Variants in ARLN observed in about 807,000 individuals in gnomAD.
The protein encoded by ARLN is sarcoplasmic/endoplasmic reticulum calcium ATPase regulator ARLN.
At chr4:119,301,827 A>G in the ARLN span, among the ~76,000 whole-genome samples, 1 of 152,232 alleles carries the variant, frequency 6.6e-6, no homozygotes, top group Admixed American at 6.5e-5. Context: ...GCACTCTTAA[A>G]GCTGTTCCAT....
the ARLN span, chr4:119,298,744 G>C: frequency 4.8e-5 from 37 of 772,484 alleles, no homozygotes; most frequent in Non-Finnish European, 7.7e-5. Flanking sequence ...ATTCACTCAA[G>C]AACCAACTTC....
At chr4:119,298,104 C>G in the ARLN span, 1 of 152,002 alleles carries the variant, frequency 6.6e-6, no homozygotes, top group Non-Finnish European at 1.5e-5. Flanking sequence ...ACACATAATC[C>G]TTCGTTATAG....
At chr4:119,296,919 T>A in the ARLN span, 1 of 152,252 alleles carries the variant, frequency 6.6e-6, no homozygotes, top group African/African-American at 2.4e-5. Context: ...AGTAGGCTGA[T>A]TTTAGGCTCA....
At chr4:119,300,605 C>T in the ARLN span, 3 of 1,608,360 alleles carry the variant, frequency 1.9e-6, no homozygotes, top group South Asian at 1.1e-5. Context: ...TGGTGTTCGC[C>T]GCACCGGAAA....
At chr4:119,300,239 A>AT in the ARLN span, 2 of 995,240 alleles carry the variant, frequency 2.0e-6, no homozygotes, top group South Asian at 3.0e-5. Flanking sequence ...TCTTGGACAT[A>AT]TATAAACTCT....
chr4:119,299,869 T>G, the ARLN span, among the ~76,000 whole-genome samples: 1 of 152,178 alleles, frequency 6.6e-6, no homozygotes, highest in Non-Finnish European at 1.5e-5. Flanking sequence ...AGCTGCGTGG[T>G]CTGCTCATGG....
At chr4:119,301,668 T>C in the ARLN span, among the ~76,000 whole-genome samples, 1 of 152,198 alleles carries the variant, frequency 6.6e-6, no homozygotes, top group Non-Finnish European at 1.5e-5. Context: ...AAGACTGTAG[T>C]TGTGTTTTTA....
chr4:119,304,135 C>T, the ARLN span: 6 of 707,310 alleles, frequency 8.5e-6, no homozygotes, highest in Non-Finnish European at 1.4e-5. Context: ...TGCTTTCTCA[C>T]CTGTCCAAAT....
At chr4:119,299,160 C>T in the ARLN span, among the ~76,000 whole-genome samples, 1 of 152,144 alleles carries the variant, frequency 6.6e-6, no homozygotes, top group African/African-American at 2.4e-5. Flanking sequence ...GTTCACAGCT[C>T]ACTGAAGCCT....
the ARLN span, among the ~76,000 whole-genome samples, chr4:119,303,268 C>G: frequency 2.2e-5 from 3 of 136,158 alleles, no homozygotes; most frequent in Non-Finnish European, 4.6e-5. Context: ...GAGTCTTGCT[C>G]TGTCGCCCAG....
chr4:119,300,712 C>A, the ARLN span: 1 of 1,526,942 alleles, frequency 6.5e-7, no homozygotes, highest in Admixed American at 2.0e-5. Flanking sequence ...CCTGGCTCGG[C>A]TTTCCGCTGC....
At chr4:119,304,372 C>A in the ARLN span, 1 of 1,536,786 alleles carries the variant, frequency 6.5e-7, no homozygotes, top group Admixed American at 2.0e-5. Flanking sequence ...TTTTGCCTTC[C>A]TTTGGCACCT....
chr4:119,302,391 T>C, the ARLN span, among the ~76,000 whole-genome samples: 1 of 152,200 alleles, frequency 6.6e-6, no homozygotes. Flanking sequence ...TTTACCCTTG[T>C]AAAAGTCCCA....
chr4:119,300,792 C>G, the ARLN span: 1 of 1,448,554 alleles, frequency 6.9e-7, no homozygotes, highest in East Asian at 2.5e-5. Context: ...CTACTTCTGC[C>G]TCGCGGCGTC....
chr4:119,302,362 GA>G, the ARLN span, among the ~76,000 whole-genome samples: 1 of 152,166 alleles, frequency 6.6e-6, no homozygotes, highest in Non-Finnish European at 1.5e-5. Flanking sequence ...AAATTCAGTT[GA>G]AAGATTCTAT....
the ARLN span, among the ~76,000 whole-genome samples, chr4:119,301,682 A>G: frequency 1.3e-5 from 2 of 152,214 alleles, no homozygotes; most frequent in African/African-American, 4.8e-5. Flanking sequence ...GTTTTTACAA[A>G]GTCATTAAAT....
At chr4:119,300,763 A>G in the ARLN span, 20 of 1,482,692 alleles carry the variant, frequency 1.3e-5, no homozygotes, top group South Asian at 2.2e-4. Flanking sequence ...CCGCCTTGAC[A>G]CTAAGTCAAT....
the ARLN span, chr4:119,300,656 G>A: frequency 1.9e-6 from 3 of 1,559,782 alleles, no homozygotes; most frequent in East Asian, 4.8e-5. Context: ...GCCGCGCCCC[G>A]GGTTCCGGAA....
At chr4:119,300,282 A>G in the ARLN span, 1 of 1,434,626 alleles carries the variant, frequency 7.0e-7, no homozygotes, top group South Asian at 1.2e-5. Flanking sequence ...CCCAAAAGCG[A>G]GCAAATGATC....
Sources: allele counts gnomAD v4.1 joint callset (sites outside exome capture counted in the v4.1 genomes callset), GRCh38; gene constraint gnomAD v4.1.1; transcripts MANE v1.5; gene names NCBI Gene and HGNC (gene_info 2026-07-23, HGNC 2026-07-21).